The following NBEAL1 variants were observed in gnomAD, a reference collection of about 807,000 sequenced individuals.
NBEAL1 encodes neurobeachin like 1, also known as neurobeachin-like protein 1.
NBEAL1 carries 273 observed loss-of-function variants against 351.3 expected under a neutral mutation model. That is an observed-to-expected ratio of 0.78 (90% confidence interval 0.70 to 0.86). NBEAL1 has a LOEUF of 0.86. NBEAL1 is among the 40% of genes least tolerant of loss of function. The probability of loss-of-function intolerance (pLI) is 0.00; values close to 1 mark genes in which losing one functional copy is unlikely to be tolerated. For missense variants in NBEAL1, 2,961 were observed against 3,201.3 expected, an observed-to-expected ratio of 0.92 and a Z score of 1.81; for synonymous variants, 1,050 against 1,086.4, an observed-to-expected ratio of 0.97 and a Z score of 0.66.
At chr2:203,038,012 T>C (rs993910835) in intron 2 of NBEAL1, among the ~76,000 whole-genome samples, 2 of 149,360 alleles carry the variant, frequency 1.3e-5, no homozygotes, top group East Asian at 3.9e-4. Context: ...GTATGTGCTT[T>C]GATGCCTAAC....
At chr2:203,072,214 G>A (rs1188111309) in intron 7 of NBEAL1, among the ~76,000 whole-genome samples, 1 of 152,162 alleles carries the variant, frequency 6.6e-6, no homozygotes, top group African/African-American at 2.4e-5. Flanking sequence ...AATCCAAGAA[G>A]TCCAACAGTC....
At chr2:203,180,551 C>T (rs752967463) in intron 43 of NBEAL1, 39 bp downstream of exon 43, 1 of 1,552,920 alleles carries the variant, frequency 6.4e-7, no homozygotes, top group Non-Finnish European at 8.7e-7. Context: ...TAGCAGGTCC[C>T]AATGGAGGAG....
At position 203,156,196 on chromosome 2, in the gene NBEAL1, G is replaced by T. The variant is rs146080965; in HGVS notation, c.5588-1503G>T. ...TCCATGAGTCTCTCCTCATATCTCT[G>T]AAATTCCTACATATAATAGCTCTTT... On this transcript the variant is annotated intron_variant, in intron 35 of 55. Transcript: ENST00000683969. Among the ~76,000 whole-genome samples the T allele has an allele frequency of 3.2e-3, 491 of 152,218 alleles. 3 individuals carry two copies. Among genetic ancestry groups the T allele is most frequent in the African/African-American group, 0.011 (461 of 41,526 alleles).
rs75656914 is a variant in NBEAL1, at chr2:203,084,469, T to C, written c.998T>C (p.Ile333Thr). ...IALQIKMLNT[I>T]TAMLDCTDRP... is the part of the protein sequence containing the mutation. ...TTTCTTTTTATTTTCCTAGATACCA[T>C]CACAGCCATGTTAGATTGTACAGAT... Residue 333 changes from isoleucine (I) to threonine (T), a missense_variant, in exon 10 of 56, where the codon ATC becomes ACC. Physicochemically the swap from Ile to Thr is moderately conservative, Grantham distance 89 (BLOSUM62 -1). Coordinates refer to ENST00000683969, the MANE Select transcript of NBEAL1 (RefSeq NM_001378026.1). 1.4e-6 allele frequency: 2 copies of C among 1,464,110 alleles called. No individual in the cohort carries two copies. The highest frequency in any genetic ancestry group is 1.8e-6 in the Non-Finnish European group (2 of 1,105,318). The allele number at this position is 1,464,110 out of a possible 1,614,324, so 90.7% of individuals were successfully genotyped here.
rs2062209568 is a variant in NBEAL1 at position 203,097,555 on chromosome 2, A to G, written c.1107A>G (p.Leu369=). 1 of 984,442 alleles carries G rather than the reference A, an allele frequency of 1.0e-6. No homozygotes were observed. The highest frequency in any genetic ancestry group is 1.7e-5 in the African/African-American group (1 of 57,202). 61.0% of individuals were successfully genotyped at this position (984,442 alleles called of 1,614,324 possible). The change falls in exon 11 of 56, where the codon TTA becomes TTG. Residue 369 remains leucine, a synonymous_variant. Transcript: ENST00000683969. ...IRLLQNCKLF[L]NANNKVADKN... ...GTCTCTGTTTTTAACAGCTATTTTT[A>G]AATGCTAACAATAAGGTGGCAGACA... is the stretch of plus-strand genomic sequence containing the variant.
chr2:203,152,104 T>C (rs1384773449), intron 35 of NBEAL1, among the ~76,000 whole-genome samples: 1 of 151,706 alleles, frequency 6.6e-6, no homozygotes, highest in Non-Finnish European at 1.5e-5. Context: ...ATTACAGGCA[T>C]ATGCCATCAC....
intron 36 of NBEAL1, among the ~76,000 whole-genome samples, chr2:203,158,240 A>C (rs2106372177): frequency 6.6e-6 from 1 of 152,322 alleles, no homozygotes; most frequent in African/African-American, 2.4e-5. Flanking sequence ...AAACAAGCAA[A>C]CAAAAAGCAA....
intron 3 of NBEAL1, among the ~76,000 whole-genome samples, chr2:203,048,897 T>TTA (rs918297323): frequency 2.1e-5 from 3 of 145,522 alleles, no homozygotes; most frequent in African/African-American, 7.6e-5. Flanking sequence ...TTTTTTTTTT[T>TTA]AATACCCTTT....
intron 4 of NBEAL1, among the ~76,000 whole-genome samples, chr2:203,051,437 A>T (rs1436151013): frequency 6.6e-6 from 1 of 151,846 alleles, no homozygotes; most frequent in Non-Finnish European, 1.5e-5. Context: ...CCAGCTACTC[A>T]GGAGGCTGAG....
In NBEAL1 at chr2:203,119,508, C is replaced by T. The variant is rs532071286; in HGVS notation, c.2593-2746C>T. Among the ~76,000 whole-genome samples the T allele has an allele frequency of 1.2e-3, 166 of 139,082 alleles. 2 individuals are homozygous for T. The South Asian group carries it at 0.03, about 25-fold the overall frequency. The allele number at this position is 139,082 out of a possible 152,430, so 91.2% of individuals were successfully genotyped here. A position where few individuals can be genotyped will look rare whatever the true frequency, so the allele number is the denominator to read the frequency against. ...TGGCGCAATCTTGGCTCACTGCAAC[C>T]TCCGCTTCCTGGGTTCAAGCGATTC... On this transcript the variant is annotated intron_variant, in intron 18 of 55. Transcript: ENST00000683969.
chr2:203,193,703 C>G (rs1043364728), intron 46 of NBEAL1, 92 bp from the exon 47 acceptor site: 1 of 758,666 alleles, frequency 1.3e-6, no homozygotes, highest in Non-Finnish European at 2.2e-6. Flanking sequence ...GTATGTAATT[C>G]ATTGTAGCTA....
intron 55 of NBEAL1, 22 bp downstream of exon 55, chr2:203,213,675 T>A: frequency 6.2e-7 from 1 of 1,613,204 alleles, no homozygotes; most frequent in Non-Finnish European, 8.5e-7. Context: ...CATCAGTAAT[T>A]TCATTTCTCA....
chr2:203,095,287 ATTGT>A (rs139305237), intron 10 of NBEAL1, among the ~76,000 whole-genome samples: 9 of 151,864 alleles, frequency 5.9e-5, no homozygotes, highest in African/African-American at 1.2e-4. Flanking sequence ...AAGAATAAGA[ATTGT>A]TTGTTTGTTT....
intron 25 of NBEAL1, among the ~76,000 whole-genome samples, chr2:203,130,692 T>C (rs1575015128): frequency 6.6e-6 from 1 of 152,232 alleles, no homozygotes; most frequent in East Asian, 1.9e-4. Flanking sequence ...GAATATTCAC[T>C]TTGTCATACC....
rs760435463 is a variant in NBEAL1, at chr2:203,209,282, T to C, written c.7745T>C (p.Ile2582Thr). The C allele has an allele frequency of 1.2e-6, 2 of 1,613,988 alleles. No homozygotes were observed. The highest frequency in any genetic ancestry group is 1.1e-5 in the South Asian group (1 of 91,080). The change falls in exon 53 of 56, where the codon ATT becomes ACT. Residue 2582 changes from isoleucine to threonine, a missense_variant. By Grantham distance (89) the Ile-to-Thr change is moderately conservative. Coordinates refer to ENST00000683969, the MANE Select transcript of NBEAL1 (RefSeq NM_001378026.1). ...TTGGCTATATCTTGGGAAGGACATA[T>C]TGTTGTCTACTCCAGCACTGAAGAA... ...PNLAISWEGH[I>T]VVYSSTEEKT...
In NBEAL1 at chr2:203,183,394, A is replaced by G. The variant is rs1308713531; in HGVS notation, c.6705+6A>G. ...ATAAACATAGGAAAGCTTTGGTAAGAGTTTTGCATTTAGTTATTTGACAGA... is the reference window on the plus strand; with the variant it reads ...ATAAACATAGGAAAGCTTTGGTAAGGGTTTTGCATTTAGTTATTTGACAGA... On this transcript the variant is annotated splice_donor_region_variant and intron_variant, in intron 44 of 55. Coordinates refer to ENST00000683969, the MANE Select transcript of NBEAL1 (RefSeq NM_001378026.1). 6.8e-7 allele frequency: 1 copy of G among 1,468,574 alleles called. No homozygotes were observed. The highest frequency in any genetic ancestry group is 9.3e-7 in the Non-Finnish European group (1 of 1,070,122). 91.0% of individuals were successfully genotyped at this position (1,468,574 alleles called of 1,614,324 possible). A position where few individuals can be genotyped will look rare whatever the true frequency, so the allele number is the denominator to read the frequency against.
intron 11 of NBEAL1, among the ~76,000 whole-genome samples, chr2:203,097,928 C>T (rs541683869): frequency 8.1e-4 from 124 of 152,212 alleles, no homozygotes; most frequent in African/African-American, 2.8e-3. Context: ...CAATGCTGTC[C>T]ACCTGGTGGT....
At chr2:203,075,950 T>G (rs1182385513) in intron 7 of NBEAL1, among the ~76,000 whole-genome samples, 3 of 152,208 alleles carry the variant, frequency 2.0e-5, no homozygotes, top group Non-Finnish European at 4.4e-5. Flanking sequence ...TCTATCCAGG[T>G]TACCTCAAAG....
chr2:203,184,896 T>TAA (rs79340619), intron 44 of NBEAL1, among the ~76,000 whole-genome samples: 1 of 140,338 alleles, frequency 7.1e-6, no homozygotes. Context: ...ACCCTGTATT[T>TAA]AAAAAAAAAA....
Sources: allele counts gnomAD v4.1 joint callset (sites outside exome capture counted in the v4.1 genomes callset), GRCh38; gene constraint gnomAD v4.1.1; transcripts MANE v1.5; gene names NCBI Gene and HGNC (gene_info 2026-07-23, HGNC 2026-07-21).